TRPM7: variants seen among roughly 807,000 people sequenced by gnomAD.
The protein encoded by TRPM7 is LTRPC ion channel family member 7.
In TRPM7, 134 loss-of-function variants were observed where a neutral mutation model predicts 229.7. The observed-to-expected ratio is 0.58, with a 90% confidence interval of 0.51 to 0.67. TRPM7 has a LOEUF of 0.67. Among genes scored for constraint, TRPM7 ranks in the 30% least tolerant of loss-of-function variants. The probability of loss-of-function intolerance (pLI) is 0.00; values close to 1 mark genes in which losing one functional copy is unlikely to be tolerated. For synonymous variants in TRPM7, 699 were observed against 715.2 expected (o/e 0.98, Z 0.36); for missense variants, 1,901 against 2,210.0 (o/e 0.86, Z 2.80).
intron 23 of TRPM7, 53 bp from the exon 24 acceptor site, chr15:50,594,666 G>C: frequency 2.5e-6 from 3 of 1,214,556 alleles, no homozygotes; most frequent in Non-Finnish European, 3.4e-6. Context: ...ATCTCTTAAA[G>C]TTTTAAATAC....
intron 22 of TRPM7, among the ~76,000 whole-genome samples, chr15:50,596,603 GCTAT>G (rs143311089): frequency 0.058 from 8,856 of 152,178 alleles, 324 homozygotes; most frequent in African/African-American, 0.11. Context: ...AAATGTGGGT[GCTAT>G]CTGTTTTACA....
rs990667193 is a variant in TRPM7 at position 50,686,526 on chromosome 15, A to G, written c.3+5T>C. The G allele has an allele frequency of 5.0e-6, 8 of 1,612,352 alleles. No individual in the cohort carries two copies. The highest frequency in any genetic ancestry group is 6.8e-6 in the Non-Finnish European group (8 of 1,179,156). Reference sequence around the variant, plus strand: ...TCCCCGCCCGGGCCTGCGTGGGTCCAGTACCATTCTCCTCACGGGGCGGAC... The same window carrying G: ...TCCCCGCCCGGGCCTGCGTGGGTCCGGTACCATTCTCCTCACGGGGCGGAC... On this transcript the variant is annotated splice_donor_5th_base_variant and intron_variant, in intron 1 of 38. Transcript: ENST00000646667.
Position 50,643,394 on chromosome 15 carries a change from T to C in TRPM7, c.481A>G (p.Ile161Val), listed in dbSNP as rs370723599. 2.5e-6 allele frequency: 4 copies of C among 1,614,064 alleles called. No homozygotes were observed. In the African/African-American group the frequency reaches 4.0e-5, roughly 16 times the overall value. Residue 161 changes from isoleucine to valine, a missense_variant, in exon 5 of 39, where the codon ATT becomes GTT. Physicochemically the swap from Ile to Val is conservative, Grantham distance 29. This residue lies in a region of TRPM7 where 794 missense variants were observed against 881.9 expected (regional missense o/e 0.90). Coordinates refer to ENST00000646667, the MANE Select transcript of TRPM7 (RefSeq NM_017672.6). ...GCTCCAGTTGTAACTGCAGCTTTAA[T>C]AAGACCTTTTCCAAGCAACTGCTTG... ...RIKQLLGKGL[I>V]KAAVTTGAWI... is the part of the protein sequence containing the mutation.
chr15:50,571,596 T>C (rs572184483), intron 36 of TRPM7, among the ~76,000 whole-genome samples: 5 of 151,742 alleles, frequency 3.3e-5, no homozygotes, highest in African/African-American at 1.2e-4. Flanking sequence ...AAAAATCTCA[T>C]GATCCCAGTT....
chr15:50,680,132 G>A (rs2062210378), intron 1 of TRPM7, among the ~76,000 whole-genome samples: 1 of 152,056 alleles, frequency 6.6e-6, no homozygotes, highest in African/African-American at 2.4e-5. Context: ...TACTCGGGAG[G>A]CTGACAGAGG....
rs56298128 is a variant in TRPM7, at chr15:50,596,354, T to C, written c.3191A>G (p.Gln1064Arg). The C allele has an allele frequency of 6.9e-5, 110 of 1,605,558 alleles. No homozygotes were observed. The highest frequency in any genetic ancestry group is 1.6e-4 in the Admixed American group (9 of 57,448). Residue 1064 changes from glutamine (Q) to arginine (R), a missense_variant, in exon 23 of 39, where the codon CAA becomes CGA. Transcript: ENST00000646667. Reference protein sequence around the residue: ...DVCANDSVIPQICGPGTWLTP... With the variant: ...DVCANDSVIPRICGPGTWLTP... ...CAACCACGTCCCAGGACCACAGATT[T>C]GAGGGATAACAGAATCATTTGCACA...
chr15:50,635,519 C>T (rs940999182), intron 7 of TRPM7, among the ~76,000 whole-genome samples: 19 of 149,924 alleles, frequency 1.3e-4, no homozygotes, highest in African/African-American at 1.5e-4. Flanking sequence ...AAAAAGTAGC[C>T]GGGCATGGTG....
At chr15:50,563,474 C>T (rs917912712) in intron 38 of TRPM7, among the ~76,000 whole-genome samples, 3 of 152,262 alleles carry the variant, frequency 2.0e-5, no homozygotes, top group South Asian at 2.1e-4. Context: ...GTCCAGGAAA[C>T]AAGGTGGTAG....
intron 7 of TRPM7, 85 bp downstream of exon 7, chr15:50,637,337 C>T: frequency 7.6e-7 from 1 of 1,316,438 alleles, no homozygotes; most frequent in Non-Finnish European, 1.1e-6. Flanking sequence ...AAGAGCACTT[C>T]AAAGAACATT....
At chr15:50,610,143 A>T (rs919253055) in intron 17 of TRPM7, among the ~76,000 whole-genome samples, 182 bp from the exon 18 acceptor site, 1 of 152,152 alleles carries the variant, frequency 6.6e-6, no homozygotes, top group African/African-American at 2.4e-5. Flanking sequence ...TTGTATTTAA[A>T]GAGGCCCAAG....
chr15:50,619,600 T>G, intron 13 of TRPM7, 145 bp downstream of exon 13: 1 of 664,200 alleles, frequency 1.5e-6, no homozygotes, highest in Non-Finnish European at 2.4e-6. Flanking sequence ...TTACCACAAA[T>G]TCAGCCCATA....
intron 1 of TRPM7, among the ~76,000 whole-genome samples, chr15:50,665,418 T>C (rs180767521): frequency 1.7e-3 from 252 of 150,764 alleles, no homozygotes; most frequent in Middle Eastern, 3.5e-3. Flanking sequence ...AAATTGATCA[T>C]GTGCTTGACC....
At chr15:50,595,402 G>C (rs1364023860) in intron 23 of TRPM7, among the ~76,000 whole-genome samples, 1 of 151,486 alleles carries the variant, frequency 6.6e-6, no homozygotes, top group Non-Finnish European at 1.5e-5. Flanking sequence ...GTGGTGTTTA[G>C]GAGCAAGAAT....
intron 1 of TRPM7, among the ~76,000 whole-genome samples, chr15:50,673,347 T>G (rs1391303231): frequency 6.6e-6 from 1 of 152,164 alleles, no homozygotes; most frequent in East Asian, 1.9e-4. Context: ...TGGTGACTTG[T>G]GAGATTTTGG....
At chr15:50,580,786 T>G in intron 30 of TRPM7, 88 bp downstream of exon 30, 1 of 1,230,386 alleles carries the variant, frequency 8.1e-7, no homozygotes, top group Non-Finnish European at 1.1e-6. Context: ...AAAGAAATGT[T>G]AAAGAGATGA....
chr15:50,615,151 G>A (rs1267218855), intron 13 of TRPM7, among the ~76,000 whole-genome samples: 1 of 112,362 alleles, frequency 8.9e-6, no homozygotes, highest in African/African-American at 3.6e-5. Flanking sequence ...CGACAAGAGC[G>A]AGACTTTGTC....
intron 5 of TRPM7, among the ~76,000 whole-genome samples, chr15:50,641,007 C>T (rs930888268): frequency 6.6e-6 from 1 of 152,118 alleles, no homozygotes; most frequent in African/African-American, 2.4e-5. Context: ...TTACAGCAGC[C>T]CCGGCAAACT....
At chr15:50,574,213 C>A in intron 36 of TRPM7, 61 bp downstream of exon 36, 1 of 1,298,418 alleles carries the variant, frequency 7.7e-7, no homozygotes, top group South Asian at 1.2e-5. Context: ...TTCTGTATAA[C>A]ATATGAATAG....
At position 50,558,259 on chromosome 15, in the gene TRPM7, T is replaced by A. The variant is rs897443746; in HGVS notation, c.*3419A>T. On this transcript the variant is annotated 3_prime_UTR_variant, in exon 39 of 39. Transcript: ENST00000646667. ...TACAGCACATAATTCACAGCACAGA[T>A]GAGGCTGGGTGCAGCAATTCATGCC... 1.3e-5 allele frequency: 2 copies of A among 152,178 alleles called. No individual in the cohort carries two copies. The highest frequency in any genetic ancestry group is 4.8e-5 in the African/African-American group (2 of 41,438). The allele number at this position is 152,178 out of a possible 1,614,324, so 9.4% of individuals were successfully genotyped here. A position where few individuals can be genotyped will look rare whatever the true frequency, so the allele number is the denominator to read the frequency against.
Sources: allele counts gnomAD v4.1 joint callset (sites outside exome capture counted in the v4.1 genomes callset), GRCh38; gene constraint gnomAD v4.1.1; regional missense constraint gnomAD v4.1.1; transcripts MANE v1.5; gene names NCBI Gene and HGNC (gene_info 2026-07-23, HGNC 2026-07-21).